BTBD8: variants seen among roughly 807,000 people sequenced by gnomAD.
BTBD8 encodes the protein BTB domain containing 8.
Under a neutral mutation model 162.9 loss-of-function variants are expected in BTBD8, and 110 were observed. The observed-to-expected ratio is 0.68, with a 90% CI of 0.58 to 0.79. The LOEUF (loss-of-function observed/expected upper bound fraction) is 0.79, where lower values mean the gene tolerates loss of function less well. Among genes scored for constraint, BTBD8 ranks in the 30% least tolerant of loss-of-function variants. BTBD8 has a pLI of 0.00. For missense variants in BTBD8, 1,905 were observed against 2,085.4 expected (o/e 0.91, Z 1.68); for synonymous variants, 667 against 716.1 (o/e 0.93, Z 1.10).
chr1:92,122,752 A>G (rs929000699), intron 4 of BTBD8, among the ~76,000 whole-genome samples: 1 of 151,578 alleles, frequency 6.6e-6, no homozygotes, highest in Non-Finnish European at 1.5e-5. Flanking sequence ...TGTAGTAGAG[A>G]CTGGGTTTTG....
At chr1:92,083,939 G>T (rs1648088687) in intron 1 of BTBD8, among the ~76,000 whole-genome samples, 1 of 152,154 alleles carries the variant, frequency 6.6e-6, no homozygotes, top group African/African-American at 2.4e-5. Flanking sequence ...GCCTGATCTT[G>T]CCTGAAAGGG....
At chr1:92,083,805 A>G (rs1648086506) in intron 1 of BTBD8, among the ~76,000 whole-genome samples, 1 of 152,208 alleles carries the variant, frequency 6.6e-6, no homozygotes. Context: ...AAATGGAACA[A>G]TTGATAGGCT....
intron 5 of BTBD8, among the ~76,000 whole-genome samples, chr1:92,137,851 A>G (rs1570739368): frequency 6.6e-6 from 1 of 152,226 alleles, no homozygotes; most frequent in African/African-American, 2.4e-5. Context: ...AATAAAATAT[A>G]GAGACAAATC....
intron 9 of BTBD8, among the ~76,000 whole-genome samples, chr1:92,149,699 C>T (rs549566975): frequency 6.6e-6 from 1 of 152,284 alleles, no homozygotes. Flanking sequence ...TGTTCATTTA[C>T]ACTAGGAAAG....
At chr1:92,162,973 A>G (rs978716244) in intron 9 of BTBD8, among the ~76,000 whole-genome samples, 1 of 152,168 alleles carries the variant, frequency 6.6e-6, no homozygotes, top group African/African-American at 2.4e-5. Flanking sequence ...TGATATATCT[A>G]TATTATGGAC....
chr1:92,092,446 TACTC>T (rs1648332909), intron 2 of BTBD8, among the ~76,000 whole-genome samples: 1 of 151,422 alleles, frequency 6.6e-6, no homozygotes, highest in Non-Finnish European at 1.5e-5. Flanking sequence ...TGTGCATACT[TACTC>T]TATCCCTGCC....
At chr1:92,170,230 C>A (rs1290017128) in intron 12 of BTBD8, among the ~76,000 whole-genome samples, 1 of 152,062 alleles carries the variant, frequency 6.6e-6, no homozygotes, top group East Asian at 1.9e-4. Context: ...GCTAATCCAA[C>A]AATCCTTTTT....
Position 92,129,709 on chromosome 1 carries a change from A to G in BTBD8, c.685A>G (p.Ser229Gly). 6.2e-7 allele frequency: 1 copy of G among 1,613,934 alleles called. No homozygotes were observed. The change falls in exon 5 of 18, where the codon AGT (serine) becomes GGT (glycine). Residue 229 changes from serine (S) to glycine (G), a missense_variant. By Grantham distance (56) the Ser-to-Gly change is moderately conservative. Transcript: ENST00000636805. ...TAGGGCCATTTTGAGTGCCAGATCT[A>G]GTTATTTTGCTGCAATGCTGAGTGG... ...AHRAILSARS[S>G]YFAAMLSGCW...
At chr1:92,126,494 C>G in intron 4 of BTBD8, 1 of 619,382 alleles carries the variant, frequency 1.6e-6, no homozygotes. Context: ...CCCTTTTCTC[C>G]TCTCCTCAAT....
At chr1:92,143,573 C>T (rs941272852) in intron 7 of BTBD8, among the ~76,000 whole-genome samples, 3 of 152,056 alleles carry the variant, frequency 2.0e-5, no homozygotes, top group East Asian at 3.9e-4. Flanking sequence ...TGCAGTGGTA[C>T]GATCTCTGCT....
chr1:92,176,410 G>C (rs148419488), intron 13 of BTBD8, among the ~76,000 whole-genome samples: 1 of 152,276 alleles, frequency 6.6e-6, no homozygotes, highest in East Asian at 1.9e-4. Flanking sequence ...TAGTTCATGG[G>C]ACTGTTGTGA....
intron 4 of BTBD8, among the ~76,000 whole-genome samples, chr1:92,121,004 C>T (rs1219009717): frequency 1.3e-5 from 2 of 152,120 alleles, no homozygotes; most frequent in African/African-American, 4.8e-5. Context: ...CTCATGTGAT[C>T]TGCCCGCCTC....
chr1:92,147,691 G>A lies in BTBD8; in HGVS notation c.1027G>A (p.Val343Ile). 2 of 1,605,922 alleles carry A rather than the reference G, an allele frequency of 1.2e-6. No individual in the cohort carries two copies. The highest frequency in any genetic ancestry group is 1.7e-6 in the Non-Finnish European group (2 of 1,177,236). ...ATTCTTTTATTTTAACAGGTGGATT[G>A]TAAAGCATTTTGCAAGGTTTTGGTC... The part of the protein sequence containing the change: ...SLFADCMKWI[V>I]KHFARFWSER... The change falls in exon 9 of 18, where the codon GTA becomes ATA. Residue 343 changes from valine (V) to isoleucine (I), a missense_variant. By Grantham distance (29) the Val-to-Ile change is conservative. Coordinates refer to ENST00000636805, the MANE Select transcript of BTBD8 (RefSeq NM_001376131.1).
intron 2 of BTBD8, among the ~76,000 whole-genome samples, chr1:92,097,316 C>T (rs1648478616): frequency 6.6e-6 from 1 of 152,206 alleles, no homozygotes; most frequent in Non-Finnish European, 1.5e-5. Context: ...CTCCTTTTCA[C>T]ATCAAAGCTC....
chr1:92,142,301 G>T (rs1357586528), intron 7 of BTBD8, among the ~76,000 whole-genome samples: 1 of 152,152 alleles, frequency 6.6e-6, no homozygotes, highest in East Asian at 1.9e-4. Context: ...AAGTTAGGGG[G>T]ATCCAAGTAA....
At chr1:92,120,895 T>C (rs1649189566) in intron 4 of BTBD8, among the ~76,000 whole-genome samples, 2 of 152,272 alleles carry the variant, frequency 1.3e-5, no homozygotes, top group Admixed American at 6.5e-5. Flanking sequence ...CCCAAGTAAC[T>C]GGGATTATAG....
In BTBD8 at chr1:92,088,792, G is replaced by A. The variant is rs1367646129; in HGVS notation, c.244G>A (p.Asp82Asn). 6.2e-7 allele frequency: 1 copy of A among 1,613,172 alleles called. No individual in the cohort carries two copies. Among genetic ancestry groups the A allele is most frequent in the Admixed American group, 1.7e-5 (1 of 59,990 alleles). The stretch of plus-strand genomic sequence containing the variant: ...AGCAGTCCTTTTAGCAAGAGTTCCT[G>A]ACTTCTATTTTCATACTATTGGACA... ...HKAVLLARVP[D>N]FYFHTIGQTS... Residue 82 changes from aspartate (D) to asparagine (N), a missense_variant, in exon 2 of 18, where the codon GAC becomes AAC. Asp to Asn is a conservative substitution (Grantham distance 23, BLOSUM62 1). Coordinates refer to ENST00000636805, the MANE Select transcript of BTBD8 (RefSeq NM_001376131.1).
chr1:92,126,260 T>C (rs1649355858), intron 4 of BTBD8: 9 of 592,862 alleles, frequency 1.5e-5, no homozygotes, highest in Non-Finnish European at 2.9e-5. Context: ...ATGAAGAGTT[T>C]GTTGAAGTGG....
rs1034334044 is a variant in BTBD8 at position 92,176,867 on chromosome 1, C to A, written c.1674C>A (p.Ile558=). 7 of 1,465,666 alleles carry A rather than the reference C, an allele frequency of 4.8e-6. No individual in the cohort carries two copies. The highest frequency in any genetic ancestry group is 4.3e-5 in the African/African-American group (3 of 69,738). The allele number at this position is 1,465,666 out of a possible 1,614,324, so 90.8% of individuals were successfully genotyped here. The change falls in exon 14 of 18, where the codon ATC becomes ATA. Residue 558 remains isoleucine (I), a synonymous_variant. Transcript: ENST00000636805. Reference sequence around the variant, plus strand: ...TTTCTGACTCTGGTGATATAAAAATCAAATCTTGGAGGGGAAATAACAAGA... The same window carrying A: ...TTTCTGACTCTGGTGATATAAAAATAAAATCTTGGAGGGGAAATAACAAGA... ...KQVSDSGDIK[I]KSWRGNNKKE...
Sources: allele counts gnomAD v4.1 joint callset (sites outside exome capture counted in the v4.1 genomes callset), GRCh38; gene constraint gnomAD v4.1.1; transcripts MANE v1.5; gene names NCBI Gene and HGNC (gene_info 2026-07-23, HGNC 2026-07-21).